The following DGLUCY variants were observed in gnomAD, a reference collection of about 807,000 sequenced individuals.
DGLUCY encodes the protein D-glutamate cyclase, also known as D-glutamate cyclase, mitochondrial.
Under a neutral mutation model 58.5 loss-of-function variants are expected in DGLUCY, and 58 were observed. The observed-to-expected ratio is 0.99, with a 90% CI of 0.80 to 1.23. The LOEUF is 1.23. DGLUCY is among the 50% of genes most tolerant of loss of function. The pLI is 0.00. For missense variants in DGLUCY, 779 were observed against 784.7 expected (o/e 0.99, Z 0.09); for synonymous variants, 325 against 314.1 (o/e 1.03, Z -0.37).
intron 1 of DGLUCY, among the ~76,000 whole-genome samples, chr14:91,140,525 G>A (rs1395589669): frequency 6.6e-6 from 1 of 152,096 alleles, no homozygotes; most frequent in Non-Finnish European, 1.5e-5. Flanking sequence ...ACAAACATTA[G>A]CCAGGCATGA....
intron 1 of DGLUCY, among the ~76,000 whole-genome samples, chr14:91,077,774 AAG>A (rs905778375): frequency 6.7e-6 from 1 of 149,124 alleles, no homozygotes; most frequent in Non-Finnish European, 1.5e-5. Flanking sequence ...GAGAGAGAGA[AAG>A]AGAGGAAGGG....
intron 1 of DGLUCY, among the ~76,000 whole-genome samples, chr14:91,063,153 C>A (rs2043760814): frequency 6.6e-6 from 1 of 152,004 alleles, no homozygotes; most frequent in Admixed American, 6.6e-5. Context: ...ATTATTTAAG[C>A]TGAGACTTTA....
intron 13 of DGLUCY, among the ~76,000 whole-genome samples, chr14:91,221,157 G>A (rs192820516): frequency 6.6e-6 from 1 of 152,320 alleles, no homozygotes; most frequent in East Asian, 1.9e-4. Context: ...ATGGTGACAT[G>A]GATGTGGAAT....
intron 1 of DGLUCY, among the ~76,000 whole-genome samples, chr14:91,146,890 G>A (rs1445119044): frequency 2.0e-5 from 3 of 152,064 alleles, no homozygotes; most frequent in Non-Finnish European, 4.4e-5. Flanking sequence ...CACCCAGCAC[G>A]GGGCTGCCAA....
intron 12 of DGLUCY, among the ~76,000 whole-genome samples, chr14:91,206,995 A>T (rs1332426128): frequency 1.3e-5 from 2 of 151,976 alleles, no homozygotes; most frequent in African/African-American, 4.8e-5. Flanking sequence ...CCATCTCTGT[A>T]AACAATTTAA....
In DGLUCY at chr14:91,224,967, G is replaced by T; in HGVS notation, c.*134G>T. On this transcript the variant is annotated 3_prime_UTR_variant, in exon 14 of 14. Coordinates refer to ENST00000256324, the MANE Select transcript of DGLUCY (RefSeq NM_001102368.3). ...GAGCAACGAACACTCGCCTGGCCTG[G>T]GAAACTGCATGCCCACTTTCTGGGA... The T allele has an allele frequency of 9.5e-7, 1 of 1,057,796 alleles. No homozygotes were observed. Among genetic ancestry groups the T allele is most frequent in the Non-Finnish European group, 1.3e-6 (1 of 774,554 alleles). The allele number at this position is 1,057,796 out of a possible 1,614,324, so 65.5% of individuals were successfully genotyped here. A position where few individuals can be genotyped will look rare whatever the true frequency, so the allele number is the denominator to read the frequency against.
At chr14:91,094,839 T>C (rs991924431) in intron 1 of DGLUCY, among the ~76,000 whole-genome samples, 1 of 149,774 alleles carries the variant, frequency 6.7e-6, no homozygotes, top group Non-Finnish European at 1.5e-5. Context: ...AAAAAAAAAG[T>C]CTTCAGGCCT....
At chr14:91,102,808 T>A (rs2140086008) in intron 1 of DGLUCY, among the ~76,000 whole-genome samples, 1 of 149,526 alleles carries the variant, frequency 6.7e-6, no homozygotes, top group Middle Eastern at 3.6e-3. Flanking sequence ...TCTCGCTCTA[T>A]CACCCAGCAG....
intron 1 of DGLUCY, among the ~76,000 whole-genome samples, chr14:91,138,702 G>A (rs528181340): frequency 1.3e-5 from 2 of 152,040 alleles, no homozygotes; most frequent in African/African-American, 2.4e-5. Context: ...ATCAAATCTC[G>A]TGAGAATTCA....
intron 1 of DGLUCY, chr14:91,060,908 T>C (rs1196988665): frequency 6.5e-6 from 1 of 153,220 alleles, no homozygotes; most frequent in Non-Finnish European, 1.5e-5. Context: ...GCCCCGCCCA[T>C]TTCCTCTGGT....
intron 8 of DGLUCY, among the ~76,000 whole-genome samples, chr14:91,182,157 T>C (rs2049218997): frequency 6.6e-6 from 1 of 151,938 alleles, no homozygotes; most frequent in Non-Finnish European, 1.5e-5. Context: ...ATTTTTGTAT[T>C]TTTAGTAGAG....
intron 1 of DGLUCY, among the ~76,000 whole-genome samples, chr14:91,153,970 A>G (rs1307838147): frequency 6.6e-6 from 1 of 152,064 alleles, no homozygotes. Flanking sequence ...CAGTGGTGCG[A>G]TCTCGACTCA....
chr14:91,110,672 GCAATCTGCCTGCCT>G (rs1180352843), upstream of DGLUCY, among the ~76,000 whole-genome samples: 1 of 152,044 alleles, frequency 6.6e-6, no homozygotes, highest in African/African-American at 2.4e-5. Context: ...CTGACCTCAA[GCAATCTGCCTGCCT>G]CAACCTCCCA....
chr14:91,074,306 A>ATAT (rs1363113689), intron 1 of DGLUCY, among the ~76,000 whole-genome samples: 6 of 143,294 alleles, frequency 4.2e-5, no homozygotes, highest in African/African-American at 1.0e-4. Flanking sequence ...AAAAAAAAAA[A>ATAT]AAAAAAATAT....
At chr14:91,155,461 A>C (rs1177989380) in intron 1 of DGLUCY, among the ~76,000 whole-genome samples, 1 of 152,190 alleles carries the variant, frequency 6.6e-6, no homozygotes, top group Non-Finnish European at 1.5e-5. Context: ...AATCCTTGGA[A>C]TCTCCAAAGA....
intron 1 of DGLUCY, among the ~76,000 whole-genome samples, chr14:91,141,371 TAA>T (rs1009102126): frequency 1.3e-4 from 17 of 135,352 alleles, no homozygotes; most frequent in Admixed American, 2.3e-4. Flanking sequence ...AGACGCCATC[TAA>T]AAAAAAAAAA....
intron 1 of DGLUCY, among the ~76,000 whole-genome samples, chr14:91,097,383 G>C (rs998411534): frequency 6.6e-6 from 1 of 152,002 alleles, no homozygotes; most frequent in South Asian, 2.1e-4. Flanking sequence ...GTGACAGAGC[G>C]AGACACTGTC....
intron 1 of DGLUCY, among the ~76,000 whole-genome samples, chr14:91,101,345 C>G (rs1250670437): frequency 2.0e-5 from 3 of 152,162 alleles, no homozygotes; most frequent in Non-Finnish European, 4.4e-5. Flanking sequence ...ACTGGATTAT[C>G]TAAATTTGAC....
chr14:91,195,087 G>A (rs891524653), intron 9 of DGLUCY, among the ~76,000 whole-genome samples: 4 of 152,162 alleles, frequency 2.6e-5, no homozygotes, highest in Non-Finnish European at 4.4e-5. Context: ...TGGAGATTGA[G>A]GAGCTGGCTG....
Sources: allele counts gnomAD v4.1 joint callset (sites outside exome capture counted in the v4.1 genomes callset), GRCh38; gene constraint gnomAD v4.1.1; transcripts MANE v1.5; gene names NCBI Gene and HGNC (gene_info 2026-07-23, HGNC 2026-07-21).